SH2D4A: variants seen among roughly 807,000 people sequenced by gnomAD.
SH2D4A encodes SH2 domain-containing protein 4A.
In SH2D4A, 70 loss-of-function variants were observed where a neutral mutation model predicts 64.7. The ratio of observed to expected loss-of-function variants is 1.08; its 90% CI spans 0.89 to 1.32. The LOEUF is 1.32. SH2D4A is among the 40% of genes most tolerant of loss of function. SH2D4A has a pLI of 0.00. For synonymous variants in SH2D4A, 268 were observed against 200.7 expected, an observed-to-expected ratio of 1.34 and a Z score of -2.83; for missense variants, 706 against 540.1, an observed-to-expected ratio of 1.31 and a Z score of -3.04.
rs2052949667 is a variant in SH2D4A, at chr8:19,364,292, C to T, written c.917+10C>T. 1.2e-6 allele frequency: 2 copies of T among 1,613,754 alleles called. No homozygotes were observed. The highest frequency in any genetic ancestry group is 1.7e-6 in the Non-Finnish European group (2 of 1,179,780). On this transcript the variant is annotated intron_variant, in intron 7 of 9. Transcript: ENST00000265807. Reference sequence around the variant, plus strand: ...CTCAAAAACCTCTTAGGTAAGAAGCCACACAGATGGGTTTATGCATAAACA... The same window carrying T: ...CTCAAAAACCTCTTAGGTAAGAAGCTACACAGATGGGTTTATGCATAAACA...
chr8:19,393,616 C>G, intron 9 of SH2D4A, 75 bp downstream of exon 9: 1 of 1,440,118 alleles, frequency 6.9e-7, no homozygotes, highest in East Asian at 2.4e-5. Flanking sequence ...ATGACAATTA[C>G]AAAGAAAAGG....
intron 8 of SH2D4A, among the ~76,000 whole-genome samples, chr8:19,389,153 G>A (rs1037136398): frequency 1.3e-5 from 2 of 152,204 alleles, no homozygotes; most frequent in African/African-American, 4.8e-5. Flanking sequence ...TTTTCCAGGA[G>A]GAAGCTGTGG....
At chr8:19,319,300 A>T in intron 1 of SH2D4A, 44 bp from the exon 2 acceptor site, 1 of 1,167,606 alleles carries the variant, frequency 8.6e-7, no homozygotes, top group Non-Finnish European at 1.1e-6. Context: ...CAGTGTCCAC[A>T]CATTTTAACA....
intron 4 of SH2D4A, among the ~76,000 whole-genome samples, chr8:19,352,850 TA>T (rs1463153836): frequency 1.3e-5 from 2 of 151,850 alleles, no homozygotes; most frequent in African/African-American, 4.8e-5. Context: ...CTACTAAAAT[TA>T]AAAAAAATTT....
intron 4 of SH2D4A, among the ~76,000 whole-genome samples, chr8:19,354,548 C>A (rs1029095615): frequency 6.6e-6 from 1 of 151,962 alleles, no homozygotes; most frequent in African/African-American, 2.4e-5. Flanking sequence ...TCAGATCTGA[C>A]ACATGCAAAG....
intron 7 of SH2D4A, among the ~76,000 whole-genome samples, chr8:19,366,492 C>T (rs1017098263): frequency 2.6e-5 from 4 of 152,108 alleles, no homozygotes; most frequent in African/African-American, 9.7e-5. Flanking sequence ...AACCACTGTT[C>T]CATACTTCTA....
At chr8:19,368,766 C>A (rs2053045676) in intron 7 of SH2D4A, among the ~76,000 whole-genome samples, 1 of 151,972 alleles carries the variant, frequency 6.6e-6, no homozygotes, top group Non-Finnish European at 1.5e-5. Flanking sequence ...TATGTAAGAT[C>A]AGGTCATCTG....
chr8:19,321,849 G>T (rs2052197330), intron 2 of SH2D4A, among the ~76,000 whole-genome samples: 1 of 152,100 alleles, frequency 6.6e-6, no homozygotes, highest in South Asian at 2.1e-4. Flanking sequence ...GTTAGACTTT[G>T]GGTTTCTCGT....
chr8:19,332,829 C>T, intron 2 of SH2D4A, 126 bp from the exon 3 acceptor site: 1 of 762,254 alleles, frequency 1.3e-6, no homozygotes, highest in Non-Finnish European at 1.9e-6. Context: ...GTTGGAAGTT[C>T]TTTGTCTCAT....
chr8:19,360,687 A>C (rs1481060507), intron 5 of SH2D4A: 2 of 152,214 alleles, frequency 1.3e-5, no homozygotes, highest in East Asian at 3.8e-4. Context: ...TTTGGGACAC[A>C]TGACTCGGGG....
intron 4 of SH2D4A, among the ~76,000 whole-genome samples, chr8:19,354,016 C>T (rs1414192991): frequency 7.1e-6 from 1 of 140,670 alleles, no homozygotes; most frequent in Non-Finnish European, 1.5e-5. Flanking sequence ...TTTTTTGACA[C>T]GGAGTCTCAC....
Position 19,364,260 on chromosome 8 carries a change from G to A in SH2D4A, c.895G>A (p.Ala299Thr), listed in dbSNP as rs981883922. ...CAAGCCTCAGTTCCTAAACTCAGGG[G>A]CATATCCTCAAAAACCTCTTAGGTA... ...PPKPQFLNSG[A>T]YPQKPLRNQG... The change falls in exon 7 of 10, where the codon GCA becomes ACA. Residue 299 changes from alanine to threonine, a missense_variant. Ala to Thr is a moderately conservative substitution (Grantham distance 58, BLOSUM62 0). Coordinates refer to ENST00000265807, the MANE Select transcript of SH2D4A (RefSeq NM_022071.4). 9 of 1,613,970 alleles carry A rather than the reference G, an allele frequency of 5.6e-6. No homozygotes were observed. Among genetic ancestry groups the A allele is most frequent in the Non-Finnish European group, 7.6e-6 (9 of 1,179,986 alleles).
At chr8:19,352,450 C>T (rs2052719560) in intron 4 of SH2D4A, among the ~76,000 whole-genome samples, 1 of 152,088 alleles carries the variant, frequency 6.6e-6, no homozygotes, top group African/African-American at 2.4e-5. Flanking sequence ...TTCAGTTTTT[C>T]TTTTTTGGAA....
intron 4 of SH2D4A, among the ~76,000 whole-genome samples, chr8:19,355,747 CG>C (rs34828921): frequency 6.6e-6 from 1 of 152,112 alleles, no homozygotes; most frequent in African/African-American, 2.4e-5. Context: ...AACATGGTGC[CG>C]GGTCATAATA....
rs10113819 is a variant in SH2D4A at position 19,330,055 on chromosome 8, G to A, written c.182-2900G>A. Among the ~76,000 whole-genome samples, 953 of 152,282 alleles carry A rather than the reference G, an allele frequency of 6.3e-3. 8 individuals carry two copies. Among genetic ancestry groups the A allele is most frequent in the African/African-American group, 0.022 (898 of 41,562 alleles). On this transcript the variant is annotated intron_variant, in intron 2 of 9. Coordinates refer to ENST00000265807, the MANE Select transcript of SH2D4A (RefSeq NM_022071.4). ...TGTAGACTCTAGGTTACTTGCAGGG[G>A]AATGGGCACATCTCTTTCATCCCTT...
At chr8:19,341,791 A>G (rs2052532717) in intron 4 of SH2D4A, among the ~76,000 whole-genome samples, 1 of 149,952 alleles carries the variant, frequency 6.7e-6, no homozygotes, top group South Asian at 2.1e-4. Flanking sequence ...GCAGCGAGCT[A>G]TGATCACGCT....
rs562709523 is a variant in SH2D4A at position 19,356,292 on chromosome 8, C to T, written c.514-911C>T. Among the ~76,000 whole-genome samples, 8 of 152,346 alleles carry T rather than the reference C, an allele frequency of 5.3e-5. No individual in the cohort carries two copies. The East Asian group carries it at 1.5e-3, about 29-fold the overall frequency. On this transcript the variant is annotated intron_variant, in intron 4 of 9. Transcript: ENST00000265807. ...GATTGAGAAAGCCACTGGTTTATTG[C>T]ATGGTGCAGTAATGATCCTCTGTAC...
At chr8:19,336,286 T>TA (rs1373102465) in intron 4 of SH2D4A, among the ~76,000 whole-genome samples, 3 of 152,192 alleles carry the variant, frequency 2.0e-5, no homozygotes, top group African/African-American at 7.2e-5. Flanking sequence ...CATGTTTGGT[T>TA]GTGTCATTAA....
intron 4 of SH2D4A, among the ~76,000 whole-genome samples, chr8:19,351,227 C>A (rs1330373974): frequency 6.6e-6 from 1 of 152,126 alleles, no homozygotes. Flanking sequence ...CTGATTATTT[C>A]AATGACCTGG....
Sources: allele counts gnomAD v4.1 joint callset (sites outside exome capture counted in the v4.1 genomes callset), GRCh38; gene constraint gnomAD v4.1.1; transcripts MANE v1.5; gene names NCBI Gene and HGNC (gene_info 2026-07-23, HGNC 2026-07-21).